The following TASP1 variants were observed in gnomAD, a reference collection of about 807,000 sequenced individuals.
TASP1 encodes threonine aspartase 1.
In TASP1, 16 loss-of-function variants were observed where a neutral mutation model predicts 56.6. The observed-to-expected ratio is 0.28, with a 90% confidence interval of 0.19 to 0.43. The LOEUF (loss-of-function observed/expected upper bound fraction) is 0.43. Ranked by LOEUF, TASP1 falls within the 20% of genes least tolerant of loss-of-function variation. The pLI is 1.00. For synonymous variants in TASP1, 179 were observed against 184.2 expected (o/e 0.97, Z 0.23); for missense variants, 393 against 511.6 (o/e 0.77, Z 2.24).
chr20:13,521,817 T>C (rs2044772051), intron 10 of TASP1, among the ~76,000 whole-genome samples: 1 of 151,970 alleles, frequency 6.6e-6, no homozygotes, highest in Non-Finnish European at 1.5e-5. Flanking sequence ...AACCAATTTT[T>C]TAAAAAGAAA....
chr20:13,505,004 C>A (rs2044077466), intron 10 of TASP1, among the ~76,000 whole-genome samples: 1 of 151,810 alleles, frequency 6.6e-6, no homozygotes, highest in Admixed American at 6.6e-5. Flanking sequence ...CAAACAGTGG[C>A]ATACAGACCC....
At chr20:13,551,871 C>T (rs1032309322) in intron 8 of TASP1, among the ~76,000 whole-genome samples, 37 of 152,150 alleles carry the variant, frequency 2.4e-4, no homozygotes, top group Admixed American at 2.0e-3. Context: ...TCATCACATA[C>T]ACCACATGAA....
intron 4 of TASP1, among the ~76,000 whole-genome samples, chr20:13,605,366 T>C (rs985993012): frequency 6.6e-6 from 1 of 152,198 alleles, no homozygotes; most frequent in African/African-American, 2.4e-5. Flanking sequence ...AAAAGTAGTA[T>C]ACCTATTACT....
chr20:13,290,242 A>T, the TASP1 span, among the ~76,000 whole-genome samples: 1 of 152,134 alleles, frequency 6.6e-6, no homozygotes, highest in Non-Finnish European at 1.5e-5. Context: ...TGTAGAAATA[A>T]GCAATAAATA....
At chr20:13,264,658 A>G in the TASP1 span, among the ~76,000 whole-genome samples, 1 of 152,214 alleles carries the variant, frequency 6.6e-6, no homozygotes, top group Admixed American at 6.5e-5. Flanking sequence ...CACCTTGGTC[A>G]CAAACACAGC....
the TASP1 span, among the ~76,000 whole-genome samples, chr20:13,158,840 T>C: frequency 6.6e-6 from 1 of 152,166 alleles, no homozygotes; most frequent in South Asian, 2.1e-4. Flanking sequence ...GCAAAACAAG[T>C]GAATGGAAGA....
chr20:13,166,191 G>A, the TASP1 span: 1 of 152,620 alleles, frequency 6.6e-6, no homozygotes, highest in Admixed American at 6.5e-5. Flanking sequence ...AAATGACACT[G>A]TAAACAAATC....
At chr20:13,347,130 T>C in the TASP1 span, among the ~76,000 whole-genome samples, 4 of 152,232 alleles carry the variant, frequency 2.6e-5, no homozygotes, top group Non-Finnish European at 5.9e-5. Context: ...TACGATGCTG[T>C]TTTTGTTTAA....
chr20:13,629,722 A>G lies in TASP1; in HGVS notation c.145+212T>C, dbSNP rs550923303. 2.6e-5 allele frequency among the ~76,000 whole-genome samples: 4 copies of G among 152,306 alleles called. No homozygotes were observed. The South Asian group carries it at 8.3e-4, about 32-fold the overall frequency. On this transcript the variant is annotated intron_variant, in intron 2 of 13. Transcript: ENST00000337743. The stretch of plus-strand genomic sequence containing the variant: ...AGTAAATAATAGGTTAGGGAAGTGA[A>G]AACCTAGGAAGAGCTGCCATTCTAA...
chr20:13,158,123 T>G, the TASP1 span, among the ~76,000 whole-genome samples: 1 of 152,236 alleles, frequency 6.6e-6, no homozygotes, highest in Non-Finnish European at 1.5e-5. Context: ...CCCCTGTTCA[T>G]GTAATACACT....
At chr20:13,402,678 A>G (rs1397950585) in intron 13 of TASP1, among the ~76,000 whole-genome samples, 1 of 152,204 alleles carries the variant, frequency 6.6e-6, no homozygotes, top group East Asian at 1.9e-4. Flanking sequence ...TTTGGTTAAG[A>G]CTAAGGCCAA....
chr20:13,165,295 A>T, the TASP1 span: 1 of 158,924 alleles, frequency 6.3e-6, no homozygotes, highest in African/African-American at 2.4e-5. Context: ...GACAGTAGCC[A>T]CCTTCCTTGT....
At chr20:13,449,727 G>A (rs544491012) in intron 11 of TASP1, among the ~76,000 whole-genome samples, 1 of 152,108 alleles carries the variant, frequency 6.6e-6, no homozygotes, top group African/African-American at 2.4e-5. Flanking sequence ...AATGCATACT[G>A]TTATACGTGA....
At chr20:13,338,969 G>A in the TASP1 span, among the ~76,000 whole-genome samples, 1 of 151,932 alleles carries the variant, frequency 6.6e-6, no homozygotes, top group Non-Finnish European at 1.5e-5. Flanking sequence ...ACATATACAT[G>A]CAATAGCCAC....
intron 7 of TASP1, among the ~76,000 whole-genome samples, chr20:13,567,040 T>C (rs1450355876): frequency 6.6e-6 from 1 of 152,120 alleles, no homozygotes; most frequent in Non-Finnish European, 1.5e-5. Context: ...TGCCCATCAA[T>C]GGTAGACTGG....
the TASP1 span, among the ~76,000 whole-genome samples, chr20:13,175,526 A>C: frequency 1.3e-5 from 2 of 152,326 alleles, no homozygotes; most frequent in South Asian, 4.1e-4. Context: ...GGGAAGTTAG[A>C]CTACAAAAAT....
the TASP1 span, among the ~76,000 whole-genome samples, chr20:13,343,888 GGC>G: frequency 3.4e-5 from 5 of 146,026 alleles, no homozygotes; most frequent in Admixed American, 3.5e-4. Flanking sequence ...AACCTGACTG[GGC>G]AGCCAGCCCA....
At chr20:13,599,514 C>T (rs2047873782) in intron 4 of TASP1, among the ~76,000 whole-genome samples, 1 of 152,102 alleles carries the variant, frequency 6.6e-6, no homozygotes, top group Admixed American at 6.6e-5. Context: ...ACATCACACA[C>T]CAGGGCCTGT....
the TASP1 span, among the ~76,000 whole-genome samples, chr20:13,356,667 T>A: frequency 4.6e-5 from 7 of 152,348 alleles, no homozygotes; most frequent in South Asian, 1.0e-3. Context: ...TTAACTTTTC[T>A]GGGTCCTTCA....
Sources: gnomAD v4.1 joint callset for allele counts (sites outside exome capture counted in the v4.1 genomes callset) on GRCh38, gnomAD v4.1.1 for gene constraint, MANE v1.5 for transcripts, NCBI Gene and HGNC (gene_info 2026-07-23, HGNC 2026-07-21) for gene names.